NPFFR2: variants seen among roughly 807,000 people sequenced by gnomAD.
NPFFR2 encodes the protein neuropeptide FF receptor 2.
NPFFR2 carries 15 observed loss-of-function variants against 13.1 expected under a neutral mutation model. The observed-to-expected ratio is 1.15, with a 90% CI of 0.77 to 1.76. NPFFR2 has a LOEUF of 1.76. Ranked by LOEUF, NPFFR2 falls within the 40% of genes most tolerant of loss-of-function variation. The pLI is 0.00. For missense variants in NPFFR2, 572 were observed against 503.5 expected (o/e 1.14, Z -1.30); for synonymous variants, 190 against 175.7 (o/e 1.08, Z -0.65).
At chr4:72,051,322 A>G (rs1407002304) in intron 1 of NPFFR2, among the ~76,000 whole-genome samples, 1 of 152,132 alleles carries the variant, frequency 6.6e-6, no homozygotes, top group East Asian at 1.9e-4. Flanking sequence ...ATCAAACTAG[A>G]ACTCAGGATT....
At chr4:72,053,061 A>G (rs960416806) in intron 1 of NPFFR2, among the ~76,000 whole-genome samples, 1 of 151,738 alleles carries the variant, frequency 6.6e-6, no homozygotes, top group Non-Finnish European at 1.5e-5. Flanking sequence ...TATAAAACCA[A>G]GCTGTAGCTC....
intron 2 of NPFFR2, among the ~76,000 whole-genome samples, chr4:72,132,390 A>G (rs1722273087): frequency 2.0e-5 from 3 of 152,144 alleles, no homozygotes; most frequent in Admixed American, 2.0e-4. Context: ...TTCTTTATTC[A>G]TCTACCATTG....
intron 1 of NPFFR2, among the ~76,000 whole-genome samples, chr4:72,122,465 C>T (rs958845802): frequency 5.3e-5 from 8 of 152,160 alleles, no homozygotes; most frequent in African/African-American, 1.7e-4. Flanking sequence ...CTCAGCACCA[C>T]GTCACACTTA....
intron 1 of NPFFR2, among the ~76,000 whole-genome samples, chr4:72,060,156 C>A (rs191078552): frequency 6.6e-6 from 1 of 151,990 alleles, no homozygotes; most frequent in African/African-American, 2.4e-5. Flanking sequence ...AATCTTTATT[C>A]CTAAAGTATA....
chr4:72,135,953 CA>C (rs1197420907), intron 2 of NPFFR2, among the ~76,000 whole-genome samples: 1 of 152,042 alleles, frequency 6.6e-6, no homozygotes, highest in Non-Finnish European at 1.5e-5. Flanking sequence ...TCCATCACCT[CA>C]AGCATTTATC....
intron 2 of NPFFR2, among the ~76,000 whole-genome samples, chr4:72,133,634 C>T (rs551618221): frequency 1.8e-4 from 28 of 152,132 alleles, no homozygotes; most frequent in African/African-American, 3.1e-4. Flanking sequence ...TCTTCCTATC[C>T]GTGGGCATGG....
rs756659620 is a variant in NPFFR2 at position 72,128,822 on chromosome 4, C to T, written c.231C>T (p.His77=). 3.8e-5 allele frequency: 62 copies of T among 1,613,886 alleles called. No homozygotes were observed. Among genetic ancestry groups the T allele is most frequent in the Non-Finnish European group, 4.8e-5 (57 of 1,179,922 alleles). ...CFIVMRNKHM[H]TVTNLFILNL... Reference sequence around the variant, plus strand: ...TTGTAATGAGGAACAAACATATGCACACAGTCACTAATCTCTTCATCTTAA... The same window carrying T: ...TTGTAATGAGGAACAAACATATGCATACAGTCACTAATCTCTTCATCTTAA... The change falls in exon 2 of 4, where the codon CAC becomes CAT. Residue 77 remains histidine (H), a synonymous_variant. Transcript: ENST00000308744.
chr4:72,073,053 T>G (rs1352960133), intron 1 of NPFFR2, among the ~76,000 whole-genome samples: 5 of 152,082 alleles, frequency 3.3e-5, no homozygotes, highest in Non-Finnish European at 7.4e-5. Context: ...GATTCAACTA[T>G]ATGCCATCTA....
In NPFFR2 at chr4:72,091,176, C is replaced by T. The variant is rs561118142; in HGVS notation, c.-7-37409C>T. The stretch of plus-strand genomic sequence containing the variant: ...GTTCAACCAGCTCTGCATCCCTGGT[C>T]TGAAACCCACTTGATCAAGGCGTAT... On this transcript the variant is annotated intron_variant, in intron 1 of 3. Transcript: ENST00000308744. Among the ~76,000 whole-genome samples the T allele has an allele frequency of 2.0e-5, 3 of 152,162 alleles. No homozygotes were observed. In the South Asian group the frequency reaches 6.2e-4, roughly 32 times the overall value.
chr4:72,078,786 T>C (rs1462888350), intron 1 of NPFFR2, among the ~76,000 whole-genome samples: 1 of 151,960 alleles, frequency 6.6e-6, no homozygotes, highest in Non-Finnish European at 1.5e-5. Flanking sequence ...TTGACAAAAA[T>C]GTAAAAGCAA....
intron 2 of NPFFR2, among the ~76,000 whole-genome samples, chr4:72,137,477 C>T (rs900670235): frequency 6.6e-6 from 1 of 152,022 alleles, no homozygotes; most frequent in Non-Finnish European, 1.5e-5. Context: ...CTGGATGTGT[C>T]TCTGGGGTTA....
chr4:72,038,941 G>C (rs1278034849), intron 1 of NPFFR2, among the ~76,000 whole-genome samples: 6 of 102,102 alleles, frequency 5.9e-5, no homozygotes, highest in African/African-American at 2.3e-4. Context: ...TGGAGTCTCT[G>C]TCGCCCAGGC....
At chr4:72,073,150 A>G (rs982104217) in intron 1 of NPFFR2, among the ~76,000 whole-genome samples, 10 of 152,142 alleles carry the variant, frequency 6.6e-5, no homozygotes, top group Non-Finnish European at 1.2e-4. Context: ...ATGTCAACCA[A>G]GAACTGTGTA....
intron 2 of NPFFR2, among the ~76,000 whole-genome samples, chr4:72,129,248 A>G (rs1722162817): frequency 6.6e-6 from 1 of 151,926 alleles, no homozygotes; most frequent in Admixed American, 6.6e-5. Flanking sequence ...GCCCCTACAC[A>G]CCTGTGGGTG....
intron 3 of NPFFR2, among the ~76,000 whole-genome samples, chr4:72,144,772 CA>C (rs1340989975): frequency 9.2e-5 from 14 of 152,112 alleles, no homozygotes; most frequent in Admixed American, 8.5e-4. Flanking sequence ...TCAATTCAAA[CA>C]AAAAACCTGA....
chr4:72,032,965 T>A (rs191896536), intron 1 of NPFFR2, among the ~76,000 whole-genome samples: 6 of 152,208 alleles, frequency 3.9e-5, no homozygotes, highest in Non-Finnish European at 7.3e-5. Context: ...TTTTAAAAAA[T>A]CTTAATGATA....
At chr4:72,052,477 G>T (rs1166011830) in intron 1 of NPFFR2, among the ~76,000 whole-genome samples, 3 of 151,528 alleles carry the variant, frequency 2.0e-5, no homozygotes, top group Non-Finnish European at 1.5e-5. Context: ...AATAAATTAG[G>T]TATTGATGGG....
chr4:72,034,295 AAAGT>A (rs897446872), intron 1 of NPFFR2, among the ~76,000 whole-genome samples: 6 of 152,340 alleles, frequency 3.9e-5, no homozygotes, highest in African/African-American at 1.4e-4. Context: ...TAATTGACTC[AAAGT>A]TCTGCAGGGC....
At chr4:72,041,110 A>T (rs561346833) in intron 1 of NPFFR2, among the ~76,000 whole-genome samples, 1 of 152,238 alleles carries the variant, frequency 6.6e-6, no homozygotes, top group East Asian at 1.9e-4. Flanking sequence ...TAGTGAGCGA[A>T]CTACCCAATA....
Sources: allele counts gnomAD v4.1 joint callset (sites outside exome capture counted in the v4.1 genomes callset), GRCh38; gene constraint gnomAD v4.1.1; transcripts MANE v1.5; gene names NCBI Gene and HGNC (gene_info 2026-07-23, HGNC 2026-07-21).